EXOC2: variants seen among roughly 807,000 people sequenced by gnomAD.
The protein encoded by EXOC2 is SEC5-like 1.
A neutral mutation model predicts 131.8 loss-of-function variants in EXOC2; 70 were observed. The observed-to-expected ratio is 0.53, with a 90% confidence interval of 0.44 to 0.65. The LOEUF (loss-of-function observed/expected upper bound fraction) is 0.65, where lower values mean the gene tolerates loss of function less well. EXOC2 is among the 30% of genes least tolerant of loss of function. The pLI is 0.00. For synonymous variants in EXOC2, 411 were observed against 398.4 expected (o/e 1.03, Z -0.38); for missense variants, 923 against 1,108.6 (o/e 0.83, Z 2.38).
chr6:631,328 C>A (rs555909025), intron 3 of EXOC2, among the ~76,000 whole-genome samples: 10 of 152,154 alleles, frequency 6.6e-5, no homozygotes, highest in South Asian at 2.1e-4. Context: ...TCACAAGGTC[C>A]GGAGTTCGAG....
At chr6:662,104 C>G (rs1763447128) in intron 1 of EXOC2, among the ~76,000 whole-genome samples, 1 of 152,178 alleles carries the variant, frequency 6.6e-6, no homozygotes, top group East Asian at 1.9e-4. Context: ...AGGAAAATAT[C>G]ACAATCCTAA....
At chr6:683,565 TCAAGAAAC>T (rs1764508609) in intron 1 of EXOC2, among the ~76,000 whole-genome samples, 1 of 148,188 alleles carries the variant, frequency 6.7e-6, no homozygotes. Flanking sequence ...TCAGAAAAGG[TCAAGAAAC>T]CAACCGTCAG....
At chr6:549,362 A>G in intron 21 of EXOC2, 71 bp from the exon 22 acceptor site, 1 of 1,125,100 alleles carries the variant, frequency 8.9e-7, no homozygotes, top group Non-Finnish European at 1.3e-6. Flanking sequence ...AACACTTGTC[A>G]AGTTTAATTA....
chr6:563,536 T>C (rs991794757), intron 16 of EXOC2, among the ~76,000 whole-genome samples: 1 of 152,236 alleles, frequency 6.6e-6, no homozygotes, highest in East Asian at 1.9e-4. Context: ...AAGGCTGCTT[T>C]GTAAAGAAAA....
chr6:639,655 G>T (rs992982276), intron 1 of EXOC2, among the ~76,000 whole-genome samples: 2 of 152,192 alleles, frequency 1.3e-5, no homozygotes, highest in Non-Finnish European at 2.9e-5. Flanking sequence ...AGGGCCGCTT[G>T]CTTGTCCGCC....
rs146474119 is a variant in EXOC2 at position 660,124 on chromosome 6, G to T, written c.-43-22263C>A. On this transcript the variant is annotated intron_variant, in intron 1 of 27. Transcript: ENST00000230449. Reference sequence around the variant, plus strand: ...CAACCTGCATGACTCAGCAGAGACAGCCATAATCCCCCTAGGTACAGAACT... The same window carrying T: ...CAACCTGCATGACTCAGCAGAGACATCCATAATCCCCCTAGGTACAGAACT... Among the ~76,000 whole-genome samples, 3 of 151,894 alleles carry T rather than the reference G, an allele frequency of 2.0e-5. No individual in the cohort carries two copies. In the East Asian group the frequency reaches 5.8e-4, roughly 30 times the overall value.
chr6:678,421 T>C (rs1201538536), intron 1 of EXOC2, among the ~76,000 whole-genome samples: 1 of 152,238 alleles, frequency 6.6e-6, no homozygotes, highest in Non-Finnish European at 1.5e-5. Flanking sequence ...TAACCTAGTA[T>C]TGCTACCATT....
At chr6:609,843 G>T (rs1760624254) in intron 7 of EXOC2, among the ~76,000 whole-genome samples, 1 of 152,092 alleles carries the variant, frequency 6.6e-6, no homozygotes, top group Non-Finnish European at 1.5e-5. Context: ...TGGTTTTAGG[G>T]TAGGAAACTT....
intron 7 of EXOC2, among the ~76,000 whole-genome samples, chr6:600,686 CT>C (rs1338219696): frequency 6.6e-6 from 1 of 151,968 alleles, no homozygotes; most frequent in Non-Finnish European, 1.5e-5. Context: ...ATAATTTTAA[CT>C]TCTCTAAAAA....
At chr6:570,381 C>A (rs1459571245) in intron 13 of EXOC2, among the ~76,000 whole-genome samples, 2 of 152,218 alleles carry the variant, frequency 1.3e-5, no homozygotes. Flanking sequence ...GATCCACCCG[C>A]CTCGGCCTCC....
At chr6:574,303 G>A (rs1199270792) in intron 12 of EXOC2, among the ~76,000 whole-genome samples, 1 of 152,186 alleles carries the variant, frequency 6.6e-6, no homozygotes, top group African/African-American at 2.4e-5. Flanking sequence ...TTATTGAACT[G>A]CCCTCTAAAG....
chr6:688,190 G>T (rs563985177), intron 1 of EXOC2, among the ~76,000 whole-genome samples: 1 of 152,322 alleles, frequency 6.6e-6, no homozygotes, highest in East Asian at 1.9e-4. Flanking sequence ...GTGAAAGGAT[G>T]AAAGGTTCGA....
chr6:553,003 C>A (rs543117456), intron 21 of EXOC2, among the ~76,000 whole-genome samples: 26 of 152,260 alleles, frequency 1.7e-4, no homozygotes, highest in African/African-American at 6.3e-4. Context: ...CTGCAAGCTT[C>A]TCCTCTTGGG....
intron 12 of EXOC2, among the ~76,000 whole-genome samples, chr6:576,478 T>A (rs1044937721): frequency 1.8e-4 from 27 of 152,174 alleles, no homozygotes; most frequent in South Asian, 4.1e-4. Flanking sequence ...TTTAAAAAAA[T>A]TCAACCACAG....
chr6:632,300 T>A (rs1367158123), intron 3 of EXOC2, among the ~76,000 whole-genome samples: 1 of 152,248 alleles, frequency 6.6e-6, no homozygotes, highest in Non-Finnish European at 1.5e-5. Flanking sequence ...TACTCAGTCA[T>A]GGTAAGAGAG....
rs139731697 is a variant in EXOC2 at position 584,436 on chromosome 6, T to G, written c.1193-7554A>C. On this transcript the variant is annotated intron_variant, in intron 11 of 27. Coordinates refer to ENST00000230449, the MANE Select transcript of EXOC2 (RefSeq NM_018303.6). The stretch of plus-strand genomic sequence containing the variant: ...GATTTATGCATGTATGTTATGAGCT[T>G]GTACTGAAAATATGGACTTTGTGTA... 9.1e-3 allele frequency among the ~76,000 whole-genome samples: 1,391 copies of G among 152,350 alleles called. 14 individuals carry two copies. The highest frequency in any genetic ancestry group is 0.013 in the Non-Finnish European group (879 of 68,030).
intron 22 of EXOC2, among the ~76,000 whole-genome samples, chr6:545,406 T>A (rs1327990364): frequency 6.6e-6 from 1 of 152,194 alleles, no homozygotes; most frequent in Non-Finnish European, 1.5e-5. Context: ...TTTTCCTTTC[T>A]CAAAGGTATG....
intron 22 of EXOC2, among the ~76,000 whole-genome samples, chr6:533,615 G>A (rs958507881): frequency 6.6e-6 from 1 of 152,200 alleles, no homozygotes; most frequent in African/African-American, 2.4e-5. Flanking sequence ...CTCCCGATGG[G>A]AGTGGGAGCA....
At chr6:547,860 C>A (rs904255506) in intron 22 of EXOC2, among the ~76,000 whole-genome samples, 15 of 152,114 alleles carry the variant, frequency 9.9e-5, no homozygotes, top group African/African-American at 2.9e-4. Flanking sequence ...ATGAAAAAAT[C>A]TTTTTAAGAA....
Sources: gnomAD v4.1 joint callset for allele counts (sites outside exome capture counted in the v4.1 genomes callset) on GRCh38, gnomAD v4.1.1 for gene constraint, MANE v1.5 for transcripts, NCBI Gene and HGNC (gene_info 2026-07-23, HGNC 2026-07-21) for gene names.